Variants in TAFA5 observed in about 807,000 individuals in gnomAD.
The protein encoded by TAFA5 is TAFA chemokine like family member 5.
Under a neutral mutation model 15.3 loss-of-function variants are expected in TAFA5, and 6 were observed. That is an observed-to-expected ratio of 0.39 (90% confidence interval 0.21 to 0.77). TAFA5 has a LOEUF of 0.77. Among genes scored for constraint, TAFA5 ranks in the 30% least tolerant of loss-of-function variants. The probability of loss-of-function intolerance (pLI) is 0.41; values close to 1 mark genes in which losing one functional copy is unlikely to be tolerated. For missense variants in TAFA5, 161 were observed against 193.1 expected, an observed-to-expected ratio of 0.83 and a Z score of 0.98; for synonymous variants, 103 against 80.7, an observed-to-expected ratio of 1.28 and a Z score of -1.48.
At chr22:48,600,403 C>T (rs1345881120) in intron 1 of TAFA5, among the ~76,000 whole-genome samples, 1 of 152,164 alleles carries the variant, frequency 6.6e-6, no homozygotes, top group Non-Finnish European at 1.5e-5. Context: ...CTCGCACCAG[C>T]TCTGGGACAT....
At chr22:48,617,190 G>A (rs28706934) in intron 1 of TAFA5, among the ~76,000 whole-genome samples, 5 of 149,604 alleles carry the variant, frequency 3.3e-5, no homozygotes, top group Non-Finnish European at 6.0e-5. Flanking sequence ...GCGTGACTGC[G>A]GCTTATCCAG....
intron 1 of TAFA5, among the ~76,000 whole-genome samples, chr22:48,495,326 C>G (rs937394707): frequency 6.6e-6 from 1 of 152,174 alleles, no homozygotes; most frequent in African/African-American, 2.4e-5. Flanking sequence ...GATGGTCACT[C>G]TCCTGGAGCT....
At chr22:48,558,937 C>G (rs1383060230) in intron 1 of TAFA5, among the ~76,000 whole-genome samples, 2 of 152,332 alleles carry the variant, frequency 1.3e-5, no homozygotes, top group South Asian at 2.1e-4. Flanking sequence ...AAGCAGGTGC[C>G]AGGCCTGAAC....
Position 48,490,489 on chromosome 22 carries a change from C to G in TAFA5, c.112+785C>G, listed in dbSNP as rs1489033136. ...GGTGGCCTGTGCCCCTGCCGAGGCT[C>G]CAGGCGGGTGGAATGAGGGGTGGTT... On this transcript the variant is annotated intron_variant, in intron 1 of 3. Coordinates refer to ENST00000402357, the MANE Select transcript of TAFA5 (RefSeq NM_001082967.3). This position sits in a 1 kb window ranked among gnomAD's most constrained non-coding sequence, Gnocchi z 5.8. Among the ~76,000 whole-genome samples, 1 of 151,844 alleles carries G rather than the reference C, an allele frequency of 6.6e-6. No homozygotes were observed. The highest frequency in any genetic ancestry group is 1.5e-5 in the Non-Finnish European group (1 of 67,944).
rs889860104 is a variant in TAFA5, at chr22:48,707,801, G to A, written c.347G>A (p.Gly116Asp). ...TGCGACTTGTTAATCAACCGGTCAG[G>A]CTGGACGTGCACGCAGCCCGGCGGG... The part of the protein sequence containing the change: ...EGCDLLINRS[G>D]WTCTQPGGRI... The change falls in exon 3 of 4, where the codon GGC becomes GAC. Residue 116 changes from glycine (G) to aspartate (D), a missense_variant. Coordinates refer to ENST00000402357, the MANE Select transcript of TAFA5 (RefSeq NM_001082967.3). The A allele has an allele frequency of 6.2e-7, 1 of 1,613,842 alleles. No homozygotes were observed. Among genetic ancestry groups the A allele is most frequent in the Non-Finnish European group, 8.5e-7 (1 of 1,179,874 alleles).
intron 1 of TAFA5, among the ~76,000 whole-genome samples, chr22:48,644,578 G>C (rs1016803610): frequency 6.6e-6 from 1 of 152,216 alleles, no homozygotes; most frequent in Non-Finnish European, 1.5e-5. Flanking sequence ...GGATGAGAGA[G>C]CTGGGCGGCC....
At position 48,597,507 on chromosome 22, in the gene TAFA5, G is replaced by C. The variant is rs1046073822; in HGVS notation, c.113-49090G>C. Among the ~76,000 whole-genome samples, 10 of 147,534 alleles carry C rather than the reference G, an allele frequency of 6.8e-5. 1 individual carries two copies. Among genetic ancestry groups the C allele is most frequent in the Admixed American group, 1.4e-4 (2 of 14,732 alleles). On this transcript the variant is annotated intron_variant, in intron 1 of 3. Coordinates refer to ENST00000402357, the MANE Select transcript of TAFA5 (RefSeq NM_001082967.3). ...GCATCACCTGGGCCTCAGTTTCCCT[G>C]CCGGTCCCCTCTGGCTGGTTCATAT...
At chr22:48,599,026 G>A (rs1208917391) in intron 1 of TAFA5, among the ~76,000 whole-genome samples, 1 of 152,176 alleles carries the variant, frequency 6.6e-6, no homozygotes, top group East Asian at 1.9e-4. Flanking sequence ...AGGGGCGTGG[G>A]TGCTGAGCCC....
chr22:48,704,451 C>T (rs1929016213), intron 2 of TAFA5, among the ~76,000 whole-genome samples: 1 of 152,088 alleles, frequency 6.6e-6, no homozygotes, highest in Non-Finnish European at 1.5e-5. Context: ...GAAAAGGGGC[C>T]CCGGGAAGAC....
At chr22:48,688,227 T>A (rs1370290819) in intron 2 of TAFA5, among the ~76,000 whole-genome samples, 1 of 152,192 alleles carries the variant, frequency 6.6e-6, no homozygotes, top group Admixed American at 6.5e-5. Flanking sequence ...CTGGAGCTAA[T>A]GAATCACTCT....
chr22:48,683,229 C>T (rs1001681088), intron 2 of TAFA5, among the ~76,000 whole-genome samples: 4 of 152,174 alleles, frequency 2.6e-5, no homozygotes, highest in Non-Finnish European at 5.9e-5. Flanking sequence ...GGAGTGACCT[C>T]GGACAGGCCC....
intron 1 of TAFA5, among the ~76,000 whole-genome samples, chr22:48,531,763 C>T (rs1035346362): frequency 2.6e-5 from 4 of 152,182 alleles, no homozygotes; most frequent in African/African-American, 9.7e-5. Context: ...TGGGACTGCC[C>T]CCAGGACTGC....
chr22:48,490,108 C>G lies in TAFA5; in HGVS notation c.112+404C>G, dbSNP rs1470865951. On this transcript the variant is annotated intron_variant, in intron 1 of 3. Transcript: ENST00000402357. The surrounding 1 kb of genome is among the most constrained non-coding windows in gnomAD (Gnocchi z 5.8). ...CCGGGGTGTCTGCGGAGCGCCCTCC[C>G]CGTGCCTCAGCCCGGGACAAGGGGG... Among the ~76,000 whole-genome samples the G allele has an allele frequency of 6.6e-6, 1 of 152,114 alleles. No individual in the cohort carries two copies. Among genetic ancestry groups the G allele is most frequent in the Non-Finnish European group, 1.5e-5 (1 of 68,000 alleles).
chr22:48,686,765 G>GGGAT (rs113918350), intron 2 of TAFA5, among the ~76,000 whole-genome samples: 12,244 of 151,396 alleles, frequency 0.081, 1,576 homozygotes, highest in African/African-American at 0.28. Flanking sequence ...AGATGGGTAG[G>GGGAT]GGATGGATGG....
At chr22:48,571,271 CTTTTTTTTT>C (rs869050468) in intron 1 of TAFA5, among the ~76,000 whole-genome samples, 4 of 97,712 alleles carry the variant, frequency 4.1e-5, no homozygotes, top group Non-Finnish European at 6.1e-5. Context: ...TTGTTGTTTG[CTTTTTTTTT>C]TTTTTTTTTT....
intron 1 of TAFA5, among the ~76,000 whole-genome samples, chr22:48,624,473 G>A (rs891021632): frequency 2.6e-5 from 4 of 152,182 alleles, no homozygotes; most frequent in African/African-American, 9.7e-5. Flanking sequence ...TTCAGCGTCG[G>A]AGACATGCGT....
chr22:48,652,274 T>G (rs1353765506), intron 2 of TAFA5, among the ~76,000 whole-genome samples: 2 of 151,550 alleles, frequency 1.3e-5, no homozygotes, highest in Admixed American at 1.3e-4. Context: ...GCGGTGTCTG[T>G]GGCCGAGTCA....
At chr22:48,593,398 A>G (rs1200550017) in intron 1 of TAFA5, among the ~76,000 whole-genome samples, 1 of 151,964 alleles carries the variant, frequency 6.6e-6, no homozygotes, top group East Asian at 1.9e-4. Context: ...ACCGATGTGA[A>G]GGGGACGTGT....
chr22:48,645,993 C>T (rs571752089), intron 1 of TAFA5, among the ~76,000 whole-genome samples: 5 of 152,162 alleles, frequency 3.3e-5, no homozygotes, highest in African/African-American at 7.2e-5. Context: ...TGTGGGAGGG[C>T]GGAGGAAATC....
Sources: allele counts gnomAD v4.1 joint callset (sites outside exome capture counted in the v4.1 genomes callset), GRCh38; gene constraint gnomAD v4.1.1; non-coding constraint Gnocchi (gnomAD v3.1); transcripts MANE v1.5; gene names NCBI Gene and HGNC (gene_info 2026-07-23, HGNC 2026-07-21).